Variants in FAM156A observed in about 807,000 individuals in gnomAD.
The protein encoded by FAM156A is family with sequence similarity 156 member A, also known as protein FAM156A/FAM156B.
At chrX:52,973,240 T>A (rs1929170952) in intron 1 of FAM156A, among the ~76,000 whole-genome samples, 1 of 102,067 alleles carries the variant, frequency 9.8e-6, no homozygotes, top group South Asian at 4.2e-4. Context: ...TAAAAAAAAA[T>A]AAATTCACAT....
Position 52,987,925 on chromosome X carries a change from G to C in FAM156A, c.-434+7381C>G, listed in dbSNP as rs1350062752. Among the ~76,000 whole-genome samples, 13 of 112,074 alleles carry C rather than the reference G, an allele frequency of 1.2e-4. No homozygotes were observed. The Admixed American group carries it at 1.2e-3, about 11-fold the overall frequency. On this transcript the variant is annotated intron_variant, in intron 1 of 4. Coordinates refer to the FAM156A transcript ENST00000610625. ...CAATGGAATATTATTCAGAAAAAAA[G>C]AAGGAACTATTGATATATTCAACGA...
intron 1 of FAM156A, among the ~76,000 whole-genome samples, chrX:52,977,888 G>A (rs1182683705): frequency 2.7e-5 from 3 of 112,192 alleles, no homozygotes; most frequent in Non-Finnish European, 5.6e-5. Flanking sequence ...ATGGAGGAGA[G>A]TTGGACTTAA....
chrX:52,985,515 A>C (rs1363552553), intron 1 of FAM156A, among the ~76,000 whole-genome samples: 1 of 80,462 alleles, frequency 1.2e-5, no homozygotes, highest in Non-Finnish European at 2.6e-5. Flanking sequence ...AATAAAAATA[A>C]ACCCAAAGTA....
At chrX:52,983,060 T>C (rs1930015632) in intron 1 of FAM156A, among the ~76,000 whole-genome samples, 1 of 112,448 alleles carries the variant, frequency 8.9e-6, no homozygotes, top group Admixed American at 9.4e-5. Context: ...AAGACCAGCC[T>C]AGACAACACA....
intron 1 of FAM156A, among the ~76,000 whole-genome samples, chrX:52,976,039 A>C (rs1929441609): frequency 9.0e-6 from 1 of 111,216 alleles, no homozygotes; most frequent in Non-Finnish European, 1.9e-5. Flanking sequence ...CTTCTGTTTT[A>C]AATGCTGCCC....
chrX:52,986,485 T>G (rs1238204284), intron 1 of FAM156A, among the ~76,000 whole-genome samples: 1 of 110,703 alleles, frequency 9.0e-6, no homozygotes, highest in Non-Finnish European at 1.9e-5. Flanking sequence ...AAAAGGATAA[T>G]GCACCAAGAC....
chrX:52,984,720 T>A (rs1290527205), intron 1 of FAM156A, among the ~76,000 whole-genome samples: 1 of 110,389 alleles, frequency 9.1e-6, no homozygotes, highest in African/African-American at 3.3e-5. Context: ...AATACAAAAA[T>A]TAGCCAGGTG....
rs1300702315 is a variant in FAM156A at position 52,976,935 on chromosome X, G to C, written c.-433-12700C>G. Among the ~76,000 whole-genome samples, 3 of 110,125 alleles carry C rather than the reference G, an allele frequency of 2.7e-5. No individual in the cohort carries two copies. The East Asian group carries it at 8.5e-4, about 31-fold the overall frequency. The stretch of plus-strand genomic sequence containing the variant: ...TAGGAAACTGAGACACATAGGTTAA[G>C]AGACTAAGGAACTTGCCAAAAGTCA... On this transcript the variant is annotated intron_variant, in intron 1 of 4. Transcript: ENST00000610625.
At chrX:52,974,388 C>T (rs782178733) in intron 1 of FAM156A, among the ~76,000 whole-genome samples, 36 of 111,772 alleles carry the variant, frequency 3.2e-4, no homozygotes, top group Non-Finnish European at 6.2e-4. Context: ...TCCATGAGGG[C>T]GGGGATGTGT....
intron 1 of FAM156A, among the ~76,000 whole-genome samples, chrX:52,973,952 C>T (rs1317094416): frequency 3.6e-5 from 4 of 110,958 alleles, no homozygotes; most frequent in South Asian, 3.8e-4. Flanking sequence ...GCATGAGCCA[C>T]GGGGCCCGGC....
intron 1 of FAM156A, among the ~76,000 whole-genome samples, chrX:52,988,699 T>C (rs1034470798): frequency 8.9e-5 from 10 of 112,627 alleles, no homozygotes; most frequent in African/African-American, 3.2e-4. Context: ...TTTTGAGCCA[T>C]GTAGAAAGGG....
At chrX:52,986,008 T>A (rs1014468170) in intron 1 of FAM156A, among the ~76,000 whole-genome samples, 2 of 110,958 alleles carry the variant, frequency 1.8e-5, no homozygotes, top group East Asian at 5.6e-4. Context: ...ATTTTCTTAA[T>A]CCAGTCTATC....
intron 1 of FAM156A, among the ~76,000 whole-genome samples, chrX:52,980,847 T>G (rs1340418494): frequency 6.6e-5 from 5 of 75,384 alleles, no homozygotes; most frequent in African/African-American, 2.8e-4. Flanking sequence ...TGTGTGTGTG[T>G]GTGTAGAGGG....
chrX:52,990,520 A>G (rs1051882503), intron 1 of FAM156A, among the ~76,000 whole-genome samples: 1 of 111,503 alleles, frequency 9.0e-6, no homozygotes, highest in Admixed American at 9.6e-5. Flanking sequence ...ACGGTGGCTC[A>G]TGCCTGTAAT....
intron 1 of FAM156A, among the ~76,000 whole-genome samples, chrX:52,983,057 G>T (rs1556793712): frequency 2.9e-4 from 33 of 112,578 alleles, no homozygotes. Flanking sequence ...TTAAAGACCA[G>T]CCTAGACAAC....
intron 1 of FAM156A, among the ~76,000 whole-genome samples, chrX:52,980,877 G>A (rs2146606699): frequency 9.7e-6 from 1 of 103,535 alleles, no homozygotes. Flanking sequence ...GAGAGAGGCT[G>A]TGGGGGCTGG....
intron 1 of FAM156A, among the ~76,000 whole-genome samples, chrX:52,988,451 G>A (rs1556794883): frequency 9.1e-6 from 1 of 110,404 alleles, no homozygotes; most frequent in East Asian, 2.8e-4. Context: ...TACAAGGGCA[G>A]CACAAGGAAC....
intron 1 of FAM156A, among the ~76,000 whole-genome samples, chrX:52,993,408 CTTTTT>C (rs147840894): frequency 1.2e-4 from 5 of 42,566 alleles, no homozygotes; most frequent in African/African-American, 2.6e-4. Flanking sequence ...TCTTAACTTT[CTTTTT>C]TTTTTTTTTT....
In FAM156A at chrX:52,973,621, CAG is replaced by C. The variant is rs782008008; in HGVS notation, c.-433-9388_-433-9387del. Among the ~76,000 whole-genome samples the C allele has an allele frequency of 8.9e-5, 10 of 112,045 alleles. No homozygotes were observed. In the East Asian group the frequency reaches 2.8e-3, roughly 31 times the overall value. ...ATAGAAGGAAATTTGGATCTACACA[CAG>C]AACTTCACAGTACTGGACACGGAAC... On this transcript the variant is annotated intron_variant, in intron 1 of 4. Transcript: ENST00000610625.
Sources: allele counts gnomAD v4.1 joint callset (sites outside exome capture counted in the v4.1 genomes callset), GRCh38; gene constraint gnomAD v4.1.1; transcripts MANE v1.5; gene names NCBI Gene and HGNC (gene_info 2026-07-23, HGNC 2026-07-21).